Variants in ZNF804B observed in about 807,000 individuals in gnomAD.
The protein encoded by ZNF804B is zinc finger 804B.
ZNF804B carries 80 observed loss-of-function variants against 101.4 expected under a neutral mutation model. The ratio of observed to expected loss-of-function variants is 0.79; its 90% CI spans 0.66 to 0.95. The LOEUF is 0.95. Among genes scored for constraint, ZNF804B ranks in the 40% least tolerant of loss-of-function variants. The pLI is 0.00. For synonymous variants in ZNF804B, 622 were observed against 558.8 expected (o/e 1.11, Z -1.59); for missense variants, 1,673 against 1,561.9 (o/e 1.07, Z -1.20).
chr7:89,305,316 T>A (rs938907099), intron 2 of ZNF804B, among the ~76,000 whole-genome samples: 3 of 151,998 alleles, frequency 2.0e-5, no homozygotes, highest in Non-Finnish European at 2.9e-5. Context: ...TCTGTTATGA[T>A]TTTCTTTTGG....
At chr7:89,233,286 GT>G (rs1346330051) in intron 2 of ZNF804B, among the ~76,000 whole-genome samples, 2 of 152,130 alleles carry the variant, frequency 1.3e-5, no homozygotes, top group East Asian at 3.9e-4. Flanking sequence ...TAGAGTAACT[GT>G]TAATATAATA....
intron 1 of ZNF804B, among the ~76,000 whole-genome samples, chr7:88,769,938 A>G (rs1415620292): frequency 1.3e-5 from 2 of 152,220 alleles, no homozygotes; most frequent in African/African-American, 2.4e-5. Context: ...ATATTTAGTC[A>G]TCTAGGGTAG....
chr7:89,292,153 A>T (rs1024662647), intron 2 of ZNF804B, among the ~76,000 whole-genome samples: 2 of 141,800 alleles, frequency 1.4e-5, no homozygotes, highest in African/African-American at 5.0e-5. Context: ...TAATAAAGGA[A>T]CTTTTTCAAA....
At chr7:88,824,015 C>T (rs2115766747) in intron 1 of ZNF804B, among the ~76,000 whole-genome samples, 1 of 152,286 alleles carries the variant, frequency 6.6e-6, no homozygotes, top group South Asian at 2.1e-4. Flanking sequence ...TGGCCTGCTA[C>T]TCTATCCCTG....
chr7:88,986,090 G>A (rs1793757091), intron 1 of ZNF804B, among the ~76,000 whole-genome samples: 1 of 151,974 alleles, frequency 6.6e-6, no homozygotes, highest in South Asian at 2.1e-4. Context: ...CAAACATAAA[G>A]GCTTTGATGG....
At chr7:89,199,870 T>C (rs890185247) in intron 1 of ZNF804B, among the ~76,000 whole-genome samples, 6 of 148,442 alleles carry the variant, frequency 4.0e-5, no homozygotes, top group Admixed American at 2.0e-4. Flanking sequence ...ATACATTATA[T>C]ATGTAGTATA....
chr7:89,335,493 T>C lies in ZNF804B; in HGVS notation c.2511T>C (p.Thr837=). 2 of 1,613,988 alleles carry C rather than the reference T, an allele frequency of 1.2e-6. No homozygotes were observed. The highest frequency in any genetic ancestry group is 1.3e-5 in the African/African-American group (1 of 75,034). The change falls in exon 4 of 4, where the codon ACT becomes ACC. Residue 837 remains threonine, a synonymous_variant. Coordinates refer to ENST00000333190, the MANE Select transcript of ZNF804B (RefSeq NM_181646.5). ...ATTCTAACTCACAGATTTCCTGTAC[T>C]GGAAGCAGTAAAAAACCACCTAATT... ...YCDSNSQISC[T]GSSKKPPNCQ...
intron 1 of ZNF804B, among the ~76,000 whole-genome samples, chr7:88,815,554 CT>C (rs1043156811): frequency 1.2e-4 from 18 of 152,046 alleles, no homozygotes; most frequent in Admixed American, 1.1e-3. Context: ...TTCCTTCCCC[CT>C]TGTGGGCACC....
At chr7:88,794,698 C>T in intron 1 of ZNF804B, 2 of 1,613,664 alleles carry the variant, frequency 1.2e-6, no homozygotes, top group Non-Finnish European at 1.7e-6. Context: ...CACTGCTTCT[C>T]CTAGGTGATG....
chr7:89,220,661 T>A (rs1301595282), intron 2 of ZNF804B, among the ~76,000 whole-genome samples: 1 of 151,974 alleles, frequency 6.6e-6, no homozygotes, highest in African/African-American at 2.4e-5. Flanking sequence ...TTGATTATTA[T>A]CTAACCTAAA....
At chr7:88,981,858 G>T (rs1027261342) in intron 1 of ZNF804B, among the ~76,000 whole-genome samples, 1 of 151,944 alleles carries the variant, frequency 6.6e-6, no homozygotes, top group Non-Finnish European at 1.5e-5. Context: ...CTCCTGCTGG[G>T]GGATCAGGGA....
At chr7:88,894,649 C>A (rs1389123045) in intron 1 of ZNF804B, among the ~76,000 whole-genome samples, 1 of 151,990 alleles carries the variant, frequency 6.6e-6, no homozygotes, top group Non-Finnish European at 1.5e-5. Context: ...TTTGGTAAAT[C>A]CATATGATAA....
chr7:89,154,387 GTATATCAGAGAGA>G (rs1232003987), intron 1 of ZNF804B, among the ~76,000 whole-genome samples: 1 of 152,098 alleles, frequency 6.6e-6, no homozygotes, highest in African/African-American at 2.4e-5. Context: ...CTGGGTATCA[GTATATCAGAGAGA>G]TATCTGTATT....
At chr7:89,014,674 T>G (rs1433830077) in intron 1 of ZNF804B, among the ~76,000 whole-genome samples, 1 of 152,200 alleles carries the variant, frequency 6.6e-6, no homozygotes, top group Non-Finnish European at 1.5e-5. Flanking sequence ...AAATGTCTGT[T>G]CAGATCATTT....
At chr7:88,993,197 G>T (rs917636352) in intron 1 of ZNF804B, among the ~76,000 whole-genome samples, 1 of 151,682 alleles carries the variant, frequency 6.6e-6, no homozygotes, top group African/African-American at 2.4e-5. Flanking sequence ...TTATTTCTTT[G>T]GAATATTGTT....
intron 1 of ZNF804B, among the ~76,000 whole-genome samples, chr7:89,099,243 C>T (rs1308959054): frequency 6.6e-6 from 1 of 152,120 alleles, no homozygotes; most frequent in East Asian, 1.9e-4. Context: ...GAACTTCCAA[C>T]TCACTACTAT....
chr7:88,842,154 T>G (rs543642811), intron 1 of ZNF804B, among the ~76,000 whole-genome samples: 10 of 152,240 alleles, frequency 6.6e-5, no homozygotes, highest in Middle Eastern at 6.8e-3. Context: ...CAAATAAAAG[T>G]TTGTATTTTT....
intron 2 of ZNF804B, among the ~76,000 whole-genome samples, chr7:89,300,989 A>G (rs1790463232): frequency 6.6e-6 from 1 of 151,622 alleles, no homozygotes; most frequent in African/African-American, 2.4e-5. Context: ...AAAGCTACTA[A>G]TATATAACTT....
intron 1 of ZNF804B, among the ~76,000 whole-genome samples, chr7:89,121,107 C>T (rs1262033701): frequency 6.6e-6 from 1 of 152,146 alleles, no homozygotes; most frequent in Non-Finnish European, 1.5e-5. Flanking sequence ...GGTGATTCCC[C>T]ACCTGTGTCA....
Sources: gnomAD v4.1 joint callset for allele counts (sites outside exome capture counted in the v4.1 genomes callset) on GRCh38, gnomAD v4.1.1 for gene constraint, MANE v1.5 for transcripts, NCBI Gene and HGNC (gene_info 2026-07-23, HGNC 2026-07-21) for gene names.